Variants in DOCK7 observed in about 807,000 individuals in gnomAD.
DOCK7 encodes dedicator of cytokinesis protein 7.
In DOCK7, 138 loss-of-function variants were observed where a neutral mutation model predicts 271.0. That is an observed-to-expected ratio of 0.51 (90% CI 0.44 to 0.59). The LOEUF is 0.59. DOCK7 is among the 20% of genes least tolerant of loss of function. The pLI, the probability that DOCK7 is intolerant of heterozygous loss-of-function variation, is 0.00. For missense variants in DOCK7, 2,066 were observed against 2,592.4 expected (o/e 0.80, Z 4.41); for synonymous variants, 823 against 876.1 (o/e 0.94, Z 1.07).
intron 11 of DOCK7, among the ~76,000 whole-genome samples, chr1:62,631,003 G>A (rs1477291963): frequency 6.6e-6 from 1 of 151,792 alleles, no homozygotes; most frequent in Non-Finnish European, 1.5e-5. Context: ...TGGCCAAAAT[G>A]GTGAAACCCC....
chr1:62,642,117 T>C (rs1242542033), intron 7 of DOCK7, among the ~76,000 whole-genome samples: 1 of 151,376 alleles, frequency 6.6e-6, no homozygotes, highest in Non-Finnish European at 1.5e-5. Flanking sequence ...CTTTTTCTTT[T>C]TTTTTTTTTG....
chr1:62,660,501 G>A (rs1014437389), intron 2 of DOCK7, among the ~76,000 whole-genome samples: 1 of 152,158 alleles, frequency 6.6e-6, no homozygotes, highest in African/African-American at 2.4e-5. Flanking sequence ...ACAATATGGA[G>A]AAATTTGAAC....
intron 18 of DOCK7, among the ~76,000 whole-genome samples, chr1:62,571,113 C>G (rs900308252): frequency 2.0e-5 from 3 of 152,104 alleles, no homozygotes; most frequent in Non-Finnish European, 4.4e-5. Flanking sequence ...TCAGAGTGAA[C>G]AGACAACCTA....
At position 62,523,634 on chromosome 1, in the gene DOCK7, C is replaced by T. The variant is rs539851371; in HGVS notation, c.3936+4517G>A. Among the ~76,000 whole-genome samples the T allele has an allele frequency of 1.1e-3, 163 of 152,222 alleles. 3 individuals carry two copies. Among genetic ancestry groups the T allele is most frequent in the African/African-American group, 3.6e-3 (149 of 41,528 alleles). ...CTGTAATGCCAGCACTTTGAGAGGT[C>T]GAGATGGGCAGATCACGAGGTCAGG... On this transcript the variant is annotated intron_variant, in intron 31 of 49. Transcript: ENST00000635253.
chr1:62,561,195 C>A (rs1646311470), intron 19 of DOCK7, among the ~76,000 whole-genome samples: 1 of 152,036 alleles, frequency 6.6e-6, no homozygotes, highest in Non-Finnish European at 1.5e-5. Context: ...GCATTCCAGG[C>A]AGAGAAAGAG....
rs372912871 is a variant in DOCK7, at chr1:62,625,283, G to A, written c.1401C>T (p.Leu467=). Residue 467 remains leucine (L), a synonymous_variant, in exon 12 of 50, where the codon CTC becomes CTT. Transcript: ENST00000635253. ...CNLTSFRPAT[L]TVTNFFKQEG... ...CCTGCTTAAAAAAATTTGTCACTGT[G>A]AGAGTAGCTGGTCGAAAGCTCGTCA... is the stretch of plus-strand genomic sequence containing the variant. 11 of 1,613,910 alleles carry A rather than the reference G, an allele frequency of 6.8e-6. No homozygotes were observed. Among genetic ancestry groups the A allele is most frequent in the East Asian group, 4.5e-5 (2 of 44,854 alleles).
chr1:62,481,415 A>T (rs1646123009), intron 43 of DOCK7: 1 of 152,216 alleles, frequency 6.6e-6, no homozygotes, highest in African/African-American at 2.4e-5. Flanking sequence ...TCTAGTGTCA[A>T]ACTACTACGG....
chr1:62,575,915 T>A (rs913477901), intron 18 of DOCK7, among the ~76,000 whole-genome samples: 25 of 152,250 alleles, frequency 1.6e-4, no homozygotes, highest in Admixed American at 9.8e-4. Flanking sequence ...TTTTAAAACA[T>A]CTCCTTTGAA....
chr1:62,473,164 CT>C (rs1328683922), intron 48 of DOCK7, among the ~76,000 whole-genome samples: 2 of 152,156 alleles, frequency 1.3e-5, no homozygotes, highest in African/African-American at 4.8e-5. Context: ...ATTATTTCAC[CT>C]AATCTGCACA....
chr1:62,494,466 T>G lies in DOCK7; in HGVS notation c.5026A>C (p.Ile1676Leu). The change falls in exon 40 of 50, where the codon ATT (isoleucine) becomes CTT (leucine). Residue 1676 changes from isoleucine (I) to leucine (L), a missense_variant and splice_region_variant. Coordinates refer to ENST00000635253, the MANE Select transcript of DOCK7 (RefSeq NM_001367561.1). ...GGAGAGGTCTGGTAACCCTTGGCAATTCTAATTAGAACAGAAATTCTTCTC... is the reference window on the plus strand; with the variant it reads ...GGAGAGGTCTGGTAACCCTTGGCAAGTCTAATTAGAACAGAAATTCTTCTC... The part of the protein sequence containing the change: ...PEMLIDLMYR[I>L]AKGYQTSPDL... 6.3e-7 allele frequency: 1 copy of G among 1,593,514 alleles called. No individual in the cohort carries two copies. Among genetic ancestry groups the G allele is most frequent in the Non-Finnish European group, 8.6e-7 (1 of 1,163,980 alleles).
chr1:62,488,908 G>A, intron 42 of DOCK7, 26 bp downstream of exon 42: 1 of 1,612,952 alleles, frequency 6.2e-7, no homozygotes, highest in Non-Finnish European at 8.5e-7. Context: ...TCCCTTTATA[G>A]TGAAGCTAGA....
chr1:62,582,841 C>CTAA (rs1164052330), intron 16 of DOCK7, among the ~76,000 whole-genome samples: 1 of 152,080 alleles, frequency 6.6e-6, no homozygotes, highest in African/African-American at 2.4e-5. Flanking sequence ...ATTTAACTGA[C>CTAA]TAATGTGTTC....
chr1:62,494,483 A>G lies in DOCK7; in HGVS notation c.5025-16T>C. 1 of 1,586,362 alleles carries G rather than the reference A, an allele frequency of 6.3e-7. No individual in the cohort carries two copies. Among genetic ancestry groups the G allele is most frequent in the Non-Finnish European group, 8.6e-7 (1 of 1,158,842 alleles). On this transcript the variant is annotated splice_polypyrimidine_tract_variant and intron_variant, in intron 39 of 49. Transcript: ENST00000635253. ...CTTGGCAATTCTAATTAGAACAGAA[A>G]TTCTTCTCCATTAGTATGTGCTTCC...
chr1:62,623,219 T>C (rs1276667288), intron 12 of DOCK7, among the ~76,000 whole-genome samples: 1 of 152,238 alleles, frequency 6.6e-6, no homozygotes, highest in African/African-American at 2.4e-5. Flanking sequence ...TTAATTAAAA[T>C]GGTAATCTCT....
intron 14 of DOCK7, among the ~76,000 whole-genome samples, chr1:62,593,972 ACTTTG>A (rs1217455036): frequency 3.9e-5 from 6 of 152,158 alleles, no homozygotes; most frequent in African/African-American, 1.4e-4. Flanking sequence ...AGGATAAAGG[ACTTTG>A]CTTTGCTTGG....
chr1:62,504,602 C>T, intron 37 of DOCK7, 28 bp downstream of exon 37: 2 of 1,596,992 alleles, frequency 1.3e-6, no homozygotes, highest in Non-Finnish European at 1.7e-6. Context: ...ATTATGAATA[C>T]AGAGAATTTT....
intron 43 of DOCK7, chr1:62,483,665 C>G (rs1285576236): frequency 6.6e-6 from 1 of 150,948 alleles, no homozygotes; most frequent in Non-Finnish European, 1.5e-5. Flanking sequence ...GCACTGCAAA[C>G]TCTACCTTCC....
In DOCK7 at chr1:62,648,512, T is replaced by C. The variant is rs1054166594; in HGVS notation, c.422A>G (p.Asn141Ser). ...YHKLGTGFNP[N>S]TLDKQKERQK... Reference sequence around the variant, plus strand: ...CCTTTCTTTCTGTTTATCTAATGTATTGGGATTAAATCCTGTTCCCAATTT... The same window carrying C: ...CCTTTCTTTCTGTTTATCTAATGTACTGGGATTAAATCCTGTTCCCAATTT... The change falls in exon 5 of 50, where the codon AAT becomes AGT. Residue 141 changes from asparagine to serine, a missense_variant. Physicochemically the swap from Asn to Ser is conservative, Grantham distance 46. Transcript: ENST00000635253. The C allele has an allele frequency of 4.1e-6, 6 of 1,449,014 alleles. No individual in the cohort carries two copies. The highest frequency in any genetic ancestry group is 5.6e-6 in the Non-Finnish European group (6 of 1,078,684). 89.8% of individuals were successfully genotyped at this position (1,449,014 alleles called of 1,614,324 possible). A position where few individuals can be genotyped will look rare whatever the true frequency, so the allele number is the denominator to read the frequency against.
intron 2 of DOCK7, among the ~76,000 whole-genome samples, chr1:62,659,271 G>T (rs1442886233): frequency 1.3e-5 from 2 of 152,058 alleles, no homozygotes; most frequent in Non-Finnish European, 2.9e-5. Context: ...ATACAGGAGA[G>T]GGTAAAGGGA....
Sources: allele counts gnomAD v4.1 joint callset (sites outside exome capture counted in the v4.1 genomes callset), GRCh38; gene constraint gnomAD v4.1.1; transcripts MANE v1.5; gene names NCBI Gene and HGNC (gene_info 2026-07-23, HGNC 2026-07-21).